The following ITPR2 variants were observed in gnomAD, a reference collection of about 807,000 sequenced individuals.
The protein encoded by ITPR2 is inositol 1,4,5-trisphosphate-gated calcium channel ITPR2.
A neutral mutation model predicts 317.1 loss-of-function variants in ITPR2; 207 were observed. The observed-to-expected ratio is 0.65, with a 90% CI of 0.58 to 0.73. ITPR2 has a LOEUF of 0.73. Ranked by LOEUF, ITPR2 falls within the 30% of genes least tolerant of loss-of-function variation. The pLI is 0.00. For synonymous variants in ITPR2, 1,156 were observed against 1,149.1 expected (o/e 1.01, Z -0.12); for missense variants, 2,613 against 3,284.0 (o/e 0.80, Z 4.99).
At chr12:26,471,226 G>A (rs916223696) in intron 45 of ITPR2, among the ~76,000 whole-genome samples, 9 of 152,124 alleles carry the variant, frequency 5.9e-5, no homozygotes, top group African/African-American at 2.2e-4. Context: ...TCAGACAGAG[G>A]AACAGAAATT....
At chr12:26,670,870 G>A (rs1287410732) in intron 13 of ITPR2, among the ~76,000 whole-genome samples, 5 of 152,238 alleles carry the variant, frequency 3.3e-5, no homozygotes, top group African/African-American at 1.2e-4. Flanking sequence ...CGATGGAGCT[G>A]AAAGCCAAGG....
At chr12:26,350,005 A>G (rs1938430479) in intron 55 of ITPR2, among the ~76,000 whole-genome samples, 1 of 152,204 alleles carries the variant, frequency 6.6e-6, no homozygotes, top group South Asian at 2.1e-4. Flanking sequence ...CTGGCTTTAT[A>G]GGCAGCACAG....
chr12:26,715,391 C>T lies in ITPR2; in HGVS notation c.763G>A (p.Glu255Lys), dbSNP rs1349612809. 1 of 1,613,466 alleles carries T rather than the reference C, an allele frequency of 6.2e-7. No individual in the cohort carries two copies. Reference protein sequence around the residue: ...AEQEKFLTCDEYEKKQHIFLR... With the variant: ...AEQEKFLTCDKYEKKQHIFLR... ...AAAATGTGCTGTTTTTTCTCATATTCATCACAAGTCAAAAACTTCTCTTGT... is the reference window on the plus strand; with the variant it reads ...AAAATGTGCTGTTTTTTCTCATATTTATCACAAGTCAAAAACTTCTCTTGT... The change falls in exon 8 of 57, where the codon GAA becomes AAA. Residue 255 changes from glutamate (E) to lysine (K), a missense_variant. By Grantham distance (56) the Glu-to-Lys change is moderately conservative (BLOSUM62 1). Around this residue, in one of 9 missense-constraint regions of ITPR2, gnomAD observed 515 missense variants for 789.4 expected, o/e 0.65. Transcript: ENST00000381340.
chr12:26,485,007 G>A (rs1942634126), intron 41 of ITPR2, among the ~76,000 whole-genome samples: 1 of 151,110 alleles, frequency 6.6e-6, no homozygotes, highest in Admixed American at 6.6e-5. Flanking sequence ...GAGCCACTGT[G>A]CCCGGCCGGA....
At chr12:26,798,038 A>T (rs912393612) in intron 1 of ITPR2, among the ~76,000 whole-genome samples, 1 of 151,912 alleles carries the variant, frequency 6.6e-6, no homozygotes, top group Non-Finnish European at 1.5e-5. Flanking sequence ...AAATAACTTG[A>T]TCCCCCAACG....
intron 26 of ITPR2, among the ~76,000 whole-genome samples, chr12:26,619,207 T>C (rs1946441060): frequency 6.6e-6 from 1 of 152,210 alleles, no homozygotes; most frequent in African/African-American, 2.4e-5. Context: ...ATCCCTACAA[T>C]TATCTTGTAA....
intron 55 of ITPR2, among the ~76,000 whole-genome samples, chr12:26,355,193 T>C (rs149024910): frequency 6.6e-6 from 1 of 152,342 alleles, no homozygotes; most frequent in Non-Finnish European, 1.5e-5. Flanking sequence ...TCACTACTCA[T>C]TGGATGAACT....
Position 26,340,255 on chromosome 12 carries a change from T to A in ITPR2, c.7931A>T (p.Asn2644Ile), listed in dbSNP as rs1565478741. 1 of 1,612,186 alleles carries A rather than the reference T, an allele frequency of 6.2e-7. No homozygotes were observed. Among genetic ancestry groups the A allele is most frequent in the Non-Finnish European group, 8.5e-7 (1 of 1,179,198 alleles). Residue 2644 changes from asparagine to isoleucine, a missense_variant, in exon 56 of 57, where the codon AAT becomes ATT. Transcript: ENST00000381340. ...LVSNEGDSEQ[N>I]EIRSLQEKLE... ...CTTCTCCTGAAGGCTCCGAATTTCA[T>A]TTTGCTCACTGTCGCCTTCATTGCT...
chr12:26,709,091 G>A (rs1948604318), intron 9 of ITPR2, among the ~76,000 whole-genome samples: 1 of 152,108 alleles, frequency 6.6e-6, no homozygotes, highest in Non-Finnish European at 1.5e-5. Flanking sequence ...CCTGAGACAT[G>A]AGCACACCAG....
At chr12:26,507,564 T>C (rs1174789886) in intron 37 of ITPR2, among the ~76,000 whole-genome samples, 5 of 152,196 alleles carry the variant, frequency 3.3e-5, no homozygotes, top group Non-Finnish European at 7.4e-5. Context: ...TAAGGAAGCA[T>C]AGCCGCTTGG....
At chr12:26,576,684 G>A (rs1945286475) in intron 34 of ITPR2, among the ~76,000 whole-genome samples, 4 of 152,176 alleles carry the variant, frequency 2.6e-5, no homozygotes, top group Admixed American at 2.0e-4. Context: ...GGGGGTTACA[G>A]TCAAGGAGTG....
intron 34 of ITPR2, among the ~76,000 whole-genome samples, chr12:26,577,617 TAA>T (rs1195670977): frequency 6.6e-6 from 1 of 152,188 alleles, no homozygotes; most frequent in Non-Finnish European, 1.5e-5. Flanking sequence ...ATTAATTACT[TAA>T]GTCAACTGTA....
intron 21 of ITPR2, among the ~76,000 whole-genome samples, chr12:26,640,333 C>A (rs116910173): frequency 6.6e-6 from 1 of 151,610 alleles, no homozygotes; most frequent in Non-Finnish European, 1.5e-5. Flanking sequence ...TGTAACAAAC[C>A]GCTACGTCCT....
At chr12:26,565,883 G>GA (rs1944954057) in intron 34 of ITPR2, among the ~76,000 whole-genome samples, 1 of 20,918 alleles carries the variant, frequency 4.8e-5, no homozygotes, top group Non-Finnish European at 1.1e-4. Context: ...AGAGGAGAGG[G>GA]GAGGGGAGGA....
intron 13 of ITPR2, among the ~76,000 whole-genome samples, chr12:26,674,356 C>A (rs1390841191): frequency 6.6e-6 from 1 of 152,084 alleles, no homozygotes; most frequent in Non-Finnish European, 1.5e-5. Flanking sequence ...AGATATAGAC[C>A]AATGGAACAG....
At chr12:26,684,925 T>C (rs1219044727) in intron 11 of ITPR2, among the ~76,000 whole-genome samples, 2 of 151,968 alleles carry the variant, frequency 1.3e-5, no homozygotes, top group Non-Finnish European at 2.9e-5. Flanking sequence ...CTTTACAGGC[T>C]TATATTGATG....
In ITPR2 at chr12:26,631,894, G is replaced by C; in HGVS notation, c.2906C>G (p.Thr969Ser). 6.2e-7 allele frequency: 1 copy of C among 1,613,944 alleles called. No homozygotes were observed. ...CAAAATCTCAATGATCTTCAGCTTG[G>C]TGTCCATCACAGTCACATCCTCGTG... ...TEHEDVTVMD[T>S]KLKIIEILQF... The change falls in exon 22 of 57, where the codon ACC becomes AGC. Residue 969 changes from threonine to serine, a missense_variant. Thr to Ser is a moderately conservative substitution (Grantham distance 58). Around this residue, in one of 9 missense-constraint regions of ITPR2, gnomAD observed 817 missense variants for 897.6 expected, o/e 0.91. Transcript: ENST00000381340.
At chr12:26,424,942 T>C (rs935745073) in intron 49 of ITPR2, among the ~76,000 whole-genome samples, 1 of 151,578 alleles carries the variant, frequency 6.6e-6, no homozygotes, top group Non-Finnish European at 1.5e-5. Context: ...ATATTTTTAG[T>C]AGAGACAGGG....
At chr12:26,708,617 G>C (rs900910307) in intron 9 of ITPR2, among the ~76,000 whole-genome samples, 6 of 152,122 alleles carry the variant, frequency 3.9e-5, no homozygotes, top group African/African-American at 1.4e-4. Context: ...TGACAGGGAG[G>C]GAGAGAAAAG....
Sources: gnomAD v4.1 joint callset for allele counts (sites outside exome capture counted in the v4.1 genomes callset) on GRCh38, gnomAD v4.1.1 for gene constraint, gnomAD v4.1.1 regional missense constraint, MANE v1.5 for transcripts, NCBI Gene and HGNC (gene_info 2026-07-23, HGNC 2026-07-21) for gene names.